TANC2: variants seen among roughly 807,000 people sequenced by gnomAD.
The protein encoded by TANC2 is tetratricopeptide repeat, ankyrin repeat and coiled-coil containing 2, also known as protein TANC2.
In TANC2, 26 loss-of-function variants were observed where a neutral mutation model predicts 210.5. The ratio of observed to expected loss-of-function variants is 0.12; its 90% CI spans 0.09 to 0.17. TANC2 has a LOEUF of 0.17. TANC2 is among the 10% of genes least tolerant of loss of function. The pLI, the probability that TANC2 is intolerant of heterozygous loss-of-function variation, is 1.00. For missense variants in TANC2, 2,129 were observed against 2,608.9 expected, an observed-to-expected ratio of 0.82 and a Z score of 4.01; for synonymous variants, 931 against 967.1, an observed-to-expected ratio of 0.96 and a Z score of 0.69.
At chr17:63,222,422 A>C (rs979124460) in intron 7 of TANC2, among the ~76,000 whole-genome samples, 13 of 152,270 alleles carry the variant, frequency 8.5e-5, no homozygotes, top group Admixed American at 6.5e-4. Context: ...CATCATGGAT[A>C]AATGTTAAAA....
chr17:63,072,742 C>G (rs762175459), intron 2 of TANC2, among the ~76,000 whole-genome samples: 27 of 151,992 alleles, frequency 1.8e-4, no homozygotes, highest in Middle Eastern at 3.4e-3. Flanking sequence ...TATTTGGAAT[C>G]GATTGATTAA....
intron 7 of TANC2, among the ~76,000 whole-genome samples, chr17:63,211,460 C>T (rs2041882492): frequency 6.6e-6 from 1 of 151,724 alleles, no homozygotes. Flanking sequence ...CTATGATATC[C>T]TCTCTCCTCC....
intron 9 of TANC2, among the ~76,000 whole-genome samples, chr17:63,269,240 C>G (rs1252520798): frequency 6.6e-6 from 1 of 152,118 alleles, no homozygotes; most frequent in Non-Finnish European, 1.5e-5. Flanking sequence ...AGTTCCCAGT[C>G]CTTTTGTCCA....
At chr17:63,015,115 A>G (rs543257387) in intron 2 of TANC2, among the ~76,000 whole-genome samples, 5 of 150,468 alleles carry the variant, frequency 3.3e-5, no homozygotes, top group African/African-American at 7.4e-5. Context: ...TTTGGGGTTA[A>G]TAAGGGAAGT....
Position 63,228,246 on chromosome 17 carries a change from G to A in TANC2, c.770-9568G>A, listed in dbSNP as rs2042378618. Reference sequence around the variant, plus strand: ...TCAAAAATCAGATGATTGTAGATGTGTGGTCTTCATTTGTGAGATCTCTAT... The same window carrying A: ...TCAAAAATCAGATGATTGTAGATGTATGGTCTTCATTTGTGAGATCTCTAT... On this transcript the variant is annotated intron_variant, in intron 7 of 27. Coordinates refer to ENST00000689528, the Ensembl canonical transcript of TANC2. 2.0e-5 allele frequency among the ~76,000 whole-genome samples: 3 copies of A among 152,114 alleles called. No individual in the cohort carries two copies. In the South Asian group the frequency reaches 6.2e-4, roughly 32 times the overall value.
At chr17:63,341,205 T>G (rs1377016080) in intron 12 of TANC2, among the ~76,000 whole-genome samples, 1 of 152,242 alleles carries the variant, frequency 6.6e-6, no homozygotes, top group Non-Finnish European at 1.5e-5. Flanking sequence ...CTTCAGTTAT[T>G]TCAGCTTCCA....
At chr17:63,409,701 A>G (rs2048630341) in intron 21 of TANC2, among the ~76,000 whole-genome samples, 1 of 152,170 alleles carries the variant, frequency 6.6e-6, no homozygotes, top group Non-Finnish European at 1.5e-5. Context: ...CTAGGCTACA[A>G]ACCTGTACAG....
At chr17:62,978,789 C>G (rs1377198575) in intron 1 of TANC2, 1 of 152,150 alleles carries the variant, frequency 6.6e-6, no homozygotes, top group Non-Finnish European at 1.5e-5. Context: ...GAAGCCATTT[C>G]TGTGCCATTT....
rs987286582 is a variant in TANC2, at chr17:63,400,348, G to A, written c.3331+1434G>A. Among the ~76,000 whole-genome samples, 16 of 152,266 alleles carry A rather than the reference G, an allele frequency of 1.1e-4. No individual in the cohort carries two copies. In the East Asian group the frequency reaches 2.9e-3, roughly 28 times the overall value. On this transcript the variant is annotated intron_variant, in intron 19 of 27. Transcript: ENST00000689528. ...ATCCTTAAAAATATTCAAGAAGGGC[G>A]TGAATTAAATGGAGGACTTATTTTT... is the stretch of plus-strand genomic sequence containing the variant.
intron 2 of TANC2, among the ~76,000 whole-genome samples, chr17:63,049,758 GC>G (rs2035511296): frequency 6.6e-6 from 1 of 152,158 alleles, no homozygotes; most frequent in Admixed American, 6.5e-5. Flanking sequence ...ATAGATTGAA[GC>G]TGGGCTGGGA....
At chr17:63,045,178 G>A (rs1027364757) in intron 2 of TANC2, among the ~76,000 whole-genome samples, 1 of 152,178 alleles carries the variant, frequency 6.6e-6, no homozygotes, top group South Asian at 2.1e-4. Flanking sequence ...CATATTGTCT[G>A]TGCCTGCTTT....
chr17:62,984,458 CATTT>C (rs907441497), intron 1 of TANC2, among the ~76,000 whole-genome samples: 1 of 151,834 alleles, frequency 6.6e-6, no homozygotes, highest in Non-Finnish European at 1.5e-5. Context: ...CTCTCAACTT[CATTT>C]ATTTCTGCTC....
chr17:63,313,386 T>C (rs989040519), intron 9 of TANC2: 7 of 152,196 alleles, frequency 4.6e-5, no homozygotes, highest in Non-Finnish European at 8.8e-5. Context: ...AACCCAGATA[T>C]GGACCATCAG....
intron 8 of TANC2, among the ~76,000 whole-genome samples, chr17:63,250,585 C>T (rs1342747220): frequency 1.3e-5 from 2 of 152,036 alleles, no homozygotes; most frequent in African/African-American, 4.8e-5. Context: ...CCCAGTAAGA[C>T]AAAAGTTAAG....
chr17:63,134,703 G>A (rs894129592), intron 4 of TANC2, among the ~76,000 whole-genome samples: 8 of 152,146 alleles, frequency 5.3e-5, no homozygotes, highest in Non-Finnish European at 1.0e-4. Context: ...TCCAAGCTTG[G>A]AAAAGTTAAA....
intron 14 of TANC2, among the ~76,000 whole-genome samples, chr17:63,368,992 T>C (rs769351203): frequency 1.5e-4 from 23 of 152,216 alleles, no homozygotes; most frequent in Non-Finnish European, 3.2e-4. Flanking sequence ...ATCTTTTTAG[T>C]TGCCACACTC....
intron 5 of TANC2, among the ~76,000 whole-genome samples, chr17:63,167,504 T>G (rs1257196084): frequency 6.6e-6 from 1 of 152,180 alleles, no homozygotes; most frequent in East Asian, 1.9e-4. Context: ...TTTGCTTATC[T>G]TTAGTTCAGT....
At chr17:63,411,772 T>A in intron 22 of TANC2, 86 bp downstream of exon 22, 1 of 1,491,684 alleles carries the variant, frequency 6.7e-7, no homozygotes, top group Non-Finnish European at 9.0e-7. Flanking sequence ...TGGAGTGATG[T>A]ATTGATGATT....
chr17:63,054,787 A>T (rs1379469565), intron 2 of TANC2, among the ~76,000 whole-genome samples: 1 of 152,168 alleles, frequency 6.6e-6, no homozygotes, highest in Non-Finnish European at 1.5e-5. Flanking sequence ...AAGTGTATCC[A>T]GTTCTTGCAG....
Sources: gnomAD v4.1 joint callset for allele counts (sites outside exome capture counted in the v4.1 genomes callset) on GRCh38, gnomAD v4.1.1 for gene constraint, MANE v1.5 for transcripts, NCBI Gene and HGNC (gene_info 2026-07-23, HGNC 2026-07-21) for gene names.